The following SPATA13 variants were observed in gnomAD, a reference collection of about 807,000 sequenced individuals.
The protein encoded by SPATA13 is spermatogenesis associated 13.
SPATA13 carries 50 observed loss-of-function variants against 104.0 expected under a neutral mutation model. The observed-to-expected ratio is 0.48, with a 90% confidence interval of 0.38 to 0.61. The LOEUF (loss-of-function observed/expected upper bound fraction) is 0.61. Among genes scored for constraint, SPATA13 ranks in the 20% least tolerant of loss-of-function variants. The pLI is 0.00. For missense variants in SPATA13, 1,524 were observed against 1,690.6 expected (o/e 0.90, Z 1.73); for synonymous variants, 606 against 667.5 (o/e 0.91, Z 1.42).
chr13:24,041,158 G>A (rs1267670699), intron 3 of SPATA13, among the ~76,000 whole-genome samples: 1 of 152,210 alleles, frequency 6.6e-6, no homozygotes, highest in Non-Finnish European at 1.5e-5. Flanking sequence ...CACTTAGCTT[G>A]ATTCAACCCA....
rs77370399 is a variant in SPATA13 at position 24,245,080 on chromosome 13, G to A, written c.1654-4397G>A. ...TTAAAGTCAAGAAAGACTCTTTAGA[G>A]GACATGGCTATGCCCAGCTGCATGT... On this transcript the variant is annotated intron_variant, in intron 2 of 12. Transcript: ENST00000382108. 9.7e-3 allele frequency among the ~76,000 whole-genome samples: 1,470 copies of A among 152,256 alleles called. 15 individuals are homozygous for A. The highest frequency in any genetic ancestry group is 0.017 in the Non-Finnish European group (1,130 of 68,010).
At chr13:24,104,955 T>C (rs1477515796) in intron 3 of SPATA13, among the ~76,000 whole-genome samples, 1 of 152,184 alleles carries the variant, frequency 6.6e-6, no homozygotes, top group Non-Finnish European at 1.5e-5. Context: ...ATCTCCATTT[T>C]CTCTGCCTGA....
intron 1 of SPATA13, among the ~76,000 whole-genome samples, chr13:24,187,090 C>T (rs917026574): frequency 6.6e-6 from 1 of 152,160 alleles, no homozygotes; most frequent in African/African-American, 2.4e-5. Flanking sequence ...CACAAAACTA[C>T]CTTTTTCAAA....
At chr13:24,006,451 A>G (rs1876234009) in intron 2 of SPATA13, among the ~76,000 whole-genome samples, 1 of 152,250 alleles carries the variant, frequency 6.6e-6, no homozygotes, top group Non-Finnish European at 1.5e-5. Flanking sequence ...TGTTTCCAGC[A>G]TGTCCCCATT....
rs75757908 is a variant in SPATA13 at position 24,212,748 on chromosome 13, A to G, written c.-111-10071A>G. ...CGCAGTCACTTTGCCAGATATTGAA[A>G]AAAAGAAAGGCTGGCTTTGTTTGGT... On this transcript the variant is annotated intron_variant, in intron 1 of 12. Coordinates refer to ENST00000382108, the MANE Select transcript of SPATA13 (RefSeq NM_001166271.3). Among the ~76,000 whole-genome samples, 762 of 152,342 alleles carry G rather than the reference A, an allele frequency of 5.0e-3. 10 individuals carry two copies. Among genetic ancestry groups the G allele is most frequent in the African/African-American group, 0.018 (738 of 41,570 alleles).
chr13:24,108,154 C>T (rs747120805), intron 3 of SPATA13, among the ~76,000 whole-genome samples: 21 of 152,172 alleles, frequency 1.4e-4, no homozygotes, highest in Non-Finnish European at 2.6e-4. Context: ...AGGGGGGACA[C>T]GCCCCTCAAG....
intron 2 of SPATA13, among the ~76,000 whole-genome samples, chr13:24,232,070 T>G (rs1215047919): frequency 6.6e-6 from 1 of 152,218 alleles, no homozygotes; most frequent in African/African-American, 2.4e-5. Context: ...AGGATACATA[T>G]GAAAATCGGC....
chr13:24,208,429 A>C (rs371575123), intron 1 of SPATA13, among the ~76,000 whole-genome samples: 2 of 152,254 alleles, frequency 1.3e-5, no homozygotes, highest in Non-Finnish European at 2.9e-5. Context: ...AGTGTAATTC[A>C]TAATCCCCAG....
intron 3 of SPATA13, among the ~76,000 whole-genome samples, chr13:24,119,153 C>T (rs202228992): frequency 5.1e-4 from 78 of 152,074 alleles, no homozygotes; most frequent in African/African-American, 1.9e-3. Context: ...GTGATCTGCC[C>T]GCCTCGGCCT....
rs141452735 is a variant in SPATA13, at chr13:24,193,401, C to T, written c.-111-29418C>T. Reference sequence around the variant, plus strand: ...ACAGGCGGTGGCCATGTTGTTTGTACTGGGGGCCTGGTGAGCAGATGCCTC... The same window carrying T: ...ACAGGCGGTGGCCATGTTGTTTGTATTGGGGGCCTGGTGAGCAGATGCCTC... On this transcript the variant is annotated intron_variant, in intron 1 of 12. Transcript: ENST00000382108. Among the ~76,000 whole-genome samples, 436 of 152,190 alleles carry T rather than the reference C, an allele frequency of 2.9e-3. 2 individuals are homozygous for T. Among genetic ancestry groups the T allele is most frequent in the African/African-American group, 0.01 (419 of 41,516 alleles).
chr13:24,064,907 A>G (rs550745267), intron 3 of SPATA13, among the ~76,000 whole-genome samples: 1 of 152,174 alleles, frequency 6.6e-6, no homozygotes, highest in East Asian at 1.9e-4. Context: ...ACCCAAATTG[A>G]AGAAAATTCT....
Position 24,122,785 on chromosome 13 carries a change from A to G in SPATA13, c.-111-100034A>G, listed in dbSNP as rs1475392212. ...TCAAATACAAGGGGAAGTAGCTGCCACATCTGTGGAGACTCTCGTTGTCAT... is the reference window on the plus strand; with the variant it reads ...TCAAATACAAGGGGAAGTAGCTGCCGCATCTGTGGAGACTCTCGTTGTCAT... On this transcript the variant is annotated intron_variant, in intron 3 of 14. Transcript: ENST00000424834. 5 of 784,410 alleles carry G rather than the reference A, an allele frequency of 6.4e-6. No homozygotes were observed. In the East Asian group the frequency reaches 9.7e-5, roughly 15 times the overall value. The allele number at this position is 784,410 out of a possible 1,614,324, so 48.6% of individuals were successfully genotyped here.
At chr13:23,985,348 T>G (rs1454175852) in intron 2 of SPATA13, among the ~76,000 whole-genome samples, 2 of 152,252 alleles carry the variant, frequency 1.3e-5, no homozygotes, top group East Asian at 3.8e-4. Flanking sequence ...TGGGAAAGGT[T>G]GTGTCATGGC....
chr13:24,016,762 T>C (rs1474756858), intron 2 of SPATA13, among the ~76,000 whole-genome samples: 4 of 152,228 alleles, frequency 2.6e-5, no homozygotes. Context: ...GGGACGTGCA[T>C]TGTGCCCCAG....
At chr13:24,152,108 C>T (rs886509059) in intron 3 of SPATA13, among the ~76,000 whole-genome samples, 1 of 152,202 alleles carries the variant, frequency 6.6e-6, no homozygotes, top group Non-Finnish European at 1.5e-5. Flanking sequence ...ATACCTTAGA[C>T]TCAGTAATTT....
intron 3 of SPATA13, among the ~76,000 whole-genome samples, chr13:24,150,690 A>G (rs1431811053): frequency 6.6e-6 from 1 of 152,206 alleles, no homozygotes; most frequent in Non-Finnish European, 1.5e-5. Flanking sequence ...GGCAGGCCAC[A>G]GCAGGCTGGG....
chr13:24,289,396 T>C (rs116446186), intron 8 of SPATA13, among the ~76,000 whole-genome samples: 177 of 152,364 alleles, frequency 1.2e-3, no homozygotes, highest in African/African-American at 4.0e-3. Context: ...TTCAAAATCC[T>C]TTTATGTAGT....
chr13:23,989,830 G>A (rs542245221), intron 2 of SPATA13, among the ~76,000 whole-genome samples: 157 of 152,288 alleles, frequency 1.0e-3, no homozygotes, highest in African/African-American at 3.7e-3. Flanking sequence ...CAGGGTTGGT[G>A]CCCTCAGAAA....
chr13:24,124,052 A>G (rs1432953827), intron 3 of SPATA13, among the ~76,000 whole-genome samples: 1 of 152,156 alleles, frequency 6.6e-6, no homozygotes, highest in African/African-American at 2.4e-5. Flanking sequence ...GGTCCTGGAC[A>G]CACAGAAAGC....
Sources: allele counts gnomAD v4.1 joint callset (sites outside exome capture counted in the v4.1 genomes callset), GRCh38; gene constraint gnomAD v4.1.1; transcripts MANE v1.5; gene names NCBI Gene and HGNC (gene_info 2026-07-23, HGNC 2026-07-21).